Variants in JMJD1C observed in about 807,000 individuals in gnomAD.
The protein encoded by JMJD1C is jumonji domain containing 1C.
In JMJD1C, 31 loss-of-function variants were observed where a neutral mutation model predicts 245.3. That is an observed-to-expected ratio of 0.13 (90% CI 0.09 to 0.17). The LOEUF is 0.17. Ranked by LOEUF, JMJD1C falls within the 10% of genes least tolerant of loss-of-function variation. The pLI, the probability that JMJD1C is intolerant of heterozygous loss-of-function variation, is 1.00. For missense variants in JMJD1C, 2,691 were observed against 3,000.2 expected (o/e 0.90, Z 2.41); for synonymous variants, 1,057 against 1,017.4 (o/e 1.04, Z -0.74).
intron 1 of JMJD1C, among the ~76,000 whole-genome samples, chr10:63,382,386 A>G (rs1947285860): frequency 6.6e-6 from 1 of 152,214 alleles, no homozygotes; most frequent in African/African-American, 2.4e-5. Flanking sequence ...AGTCAATGGT[A>G]CAAAGATGGC....
intron 1 of JMJD1C, among the ~76,000 whole-genome samples, chr10:63,413,675 G>A (rs1324689062): frequency 6.6e-6 from 1 of 152,088 alleles, no homozygotes; most frequent in Admixed American, 6.6e-5. Flanking sequence ...TTTTTTCCTT[G>A]ATAAGAAATA....
intron 3 of JMJD1C, among the ~76,000 whole-genome samples, chr10:63,254,856 C>T (rs1323395656): frequency 6.7e-6 from 1 of 149,732 alleles, no homozygotes; most frequent in Non-Finnish European, 1.5e-5. Context: ...CATAGCTCCC[C>T]CCCTTTTTTT....
Position 63,348,958 on chromosome 10 carries a change from A to T in JMJD1C, c.333+31360T>A, listed in dbSNP as rs1376907760. Among the ~76,000 whole-genome samples the T allele has an allele frequency of 2.6e-5, 4 of 151,862 alleles. No homozygotes were observed. The East Asian group carries it at 7.7e-4, about 29-fold the overall frequency. On this transcript the variant is annotated intron_variant, in intron 2 of 25. Coordinates refer to ENST00000399262, the MANE Select transcript of JMJD1C (RefSeq NM_032776.3). ...TCTACTAAAAATACAAAAATTAGCC[A>T]GGCGTGGTGGCAGGTGCCTGTAATC...
intron 2 of JMJD1C, among the ~76,000 whole-genome samples, chr10:63,365,192 C>CT (rs1410029830): frequency 1.3e-5 from 2 of 152,196 alleles, no homozygotes; most frequent in African/African-American, 4.8e-5. Context: ...CTCTGTATCA[C>CT]TTTTCCTTAG....
intron 2 of JMJD1C, among the ~76,000 whole-genome samples, chr10:63,361,656 T>G (rs1259480814): frequency 1.4e-5 from 2 of 142,676 alleles, no homozygotes; most frequent in African/African-American, 5.4e-5. Context: ...CTCCAGAGGC[T>G]GCAGTGAGCT....
intron 2 of JMJD1C, among the ~76,000 whole-genome samples, chr10:63,302,468 A>G (rs1860217568): frequency 6.6e-6 from 1 of 152,240 alleles, no homozygotes. Flanking sequence ...TTTGAAAAAC[A>G]GAAAAAAAGT....
chr10:63,394,130 T>C (rs1038615697), intron 1 of JMJD1C, among the ~76,000 whole-genome samples: 1 of 145,072 alleles, frequency 6.9e-6, no homozygotes, highest in East Asian at 2.0e-4. Context: ...GTGGTTATAG[T>C]GAGCCGAGAC....
intron 2 of JMJD1C, among the ~76,000 whole-genome samples, chr10:63,364,019 C>A (rs542363491): frequency 6.6e-6 from 1 of 151,584 alleles, no homozygotes; most frequent in Non-Finnish European, 1.5e-5. Flanking sequence ...CCATTCTTGG[C>A]TAATTTTTGT....
intron 1 of JMJD1C, among the ~76,000 whole-genome samples, chr10:63,515,438 A>C (rs1214091066): frequency 6.6e-6 from 1 of 152,156 alleles, no homozygotes; most frequent in African/African-American, 2.4e-5. Flanking sequence ...ATCTCACAAA[A>C]CTACGGGGGC....
At chr10:63,521,831 CG>C in exon 1 of JMJD1C, 1 of 119,854 alleles carries the variant, frequency 8.3e-6, no homozygotes, top group South Asian at 4.7e-4. Context: ...TGGCGCTGCT[CG>C]GCTGCGTGCG....
chr10:63,425,457 C>G (rs997507978), intron 1 of JMJD1C, among the ~76,000 whole-genome samples: 1 of 146,744 alleles, frequency 6.8e-6, no homozygotes, highest in Non-Finnish European at 1.5e-5. Flanking sequence ...CATGTCCAAA[C>G]TGCATATCAC....
chr10:63,444,345 C>T (rs1046520021), intron 1 of JMJD1C, among the ~76,000 whole-genome samples: 3 of 152,178 alleles, frequency 2.0e-5, no homozygotes, highest in African/African-American at 7.2e-5. Context: ...ACAATCTCGA[C>T]TCACCGCAAC....
At chr10:63,500,428 GAAA>G (rs60605672) in intron 1 of JMJD1C, among the ~76,000 whole-genome samples, 1 of 112,108 alleles carries the variant, frequency 8.9e-6, no homozygotes. Context: ...GTCTCCAAAG[GAAA>G]AAAAAAAAAA....
At chr10:63,482,490 G>C (rs897779068) in intron 1 of JMJD1C, among the ~76,000 whole-genome samples, 4 of 152,104 alleles carry the variant, frequency 2.6e-5, no homozygotes, top group Non-Finnish European at 5.9e-5. Context: ...ACAAAACTTA[G>C]CTGGACACAG....
chr10:63,405,971 G>A (rs763638462), intron 1 of JMJD1C, among the ~76,000 whole-genome samples: 52 of 152,058 alleles, frequency 3.4e-4, no homozygotes, highest in Non-Finnish European at 6.0e-4. Context: ...TTATAAGAAC[G>A]TTATCAGAAC....
chr10:63,443,566 C>T (rs956684662), intron 1 of JMJD1C, among the ~76,000 whole-genome samples: 14 of 152,220 alleles, frequency 9.2e-5, no homozygotes, highest in Non-Finnish European at 1.6e-4. Context: ...CCCAACTTGG[C>T]CTCCCAAAGT....
At chr10:63,349,734 T>C (rs371170356) in intron 2 of JMJD1C, among the ~76,000 whole-genome samples, 1 of 151,870 alleles carries the variant, frequency 6.6e-6, no homozygotes, top group Non-Finnish European at 1.5e-5. Context: ...AAAGTATGAA[T>C]AAAAGAATGG....
chr10:63,464,195 A>C (rs1953012782), intron 1 of JMJD1C, among the ~76,000 whole-genome samples: 1 of 151,856 alleles, frequency 6.6e-6, no homozygotes, highest in Admixed American at 6.6e-5. Context: ...ATAACCAGCC[A>C]AAACCTTCAA....
chr10:63,501,798 C>CA (rs1337819503), intron 1 of JMJD1C, among the ~76,000 whole-genome samples: 1 of 151,842 alleles, frequency 6.6e-6, no homozygotes, highest in Non-Finnish European at 1.5e-5. Flanking sequence ...CAAAACAAAA[C>CA]AAAAAAAGAA....
Sources: allele counts gnomAD v4.1 joint callset (sites outside exome capture counted in the v4.1 genomes callset), GRCh38; gene constraint gnomAD v4.1.1; transcripts MANE v1.5; gene names NCBI Gene and HGNC (gene_info 2026-07-23, HGNC 2026-07-21).